CHCHD6: variants seen among roughly 807,000 people sequenced by gnomAD.
CHCHD6 encodes MICOS complex subunit MIC25.
In CHCHD6, 28 loss-of-function variants were observed where a neutral mutation model predicts 32.3. The observed-to-expected ratio is 0.87, with a 90% CI of 0.64 to 1.19. The LOEUF is 1.19. Among genes scored for constraint, CHCHD6 ranks in the 50% most tolerant of loss-of-function variants. CHCHD6 has a pLI of 0.00. For missense variants in CHCHD6, 333 were observed against 307.0 expected, an observed-to-expected ratio of 1.08 and a Z score of -0.63; for synonymous variants, 122 against 117.5, an observed-to-expected ratio of 1.04 and a Z score of -0.25.
chr3:126,853,272 A>AC (rs201444710), intron 5 of CHCHD6, among the ~76,000 whole-genome samples: 8 of 148,106 alleles, frequency 5.4e-5, no homozygotes, highest in Admixed American at 4.7e-4. Context: ...AAAAAAAAAA[A>AC]CCCCTACCAC....
intron 4 of CHCHD6, among the ~76,000 whole-genome samples, chr3:126,768,073 G>C (rs1389089722): frequency 6.6e-6 from 1 of 152,064 alleles, no homozygotes; most frequent in Non-Finnish European, 1.5e-5. Context: ...ATATGGTTTG[G>C]GTCTGTGTCC....
chr3:126,713,690 T>C (rs1267697261), intron 1 of CHCHD6, among the ~76,000 whole-genome samples: 1 of 152,136 alleles, frequency 6.6e-6, no homozygotes, highest in Non-Finnish European at 1.5e-5. Context: ...GGGCCACATC[T>C]TCTTCGTCTC....
intron 4 of CHCHD6, among the ~76,000 whole-genome samples, chr3:126,779,730 G>A (rs1937840667): frequency 6.6e-6 from 1 of 151,986 alleles, no homozygotes; most frequent in Non-Finnish European, 1.5e-5. Flanking sequence ...GAGTTGTCCT[G>A]GCATGCTTGT....
chr3:126,779,735 G>A (rs1165077914), intron 4 of CHCHD6, among the ~76,000 whole-genome samples: 1 of 152,092 alleles, frequency 6.6e-6, no homozygotes, highest in African/African-American at 2.4e-5. Flanking sequence ...GTCCTGGCAT[G>A]CTTGTTGAAA....
At chr3:126,864,395 ACCTCCT>A (rs761302657) in intron 5 of CHCHD6, among the ~76,000 whole-genome samples, 28 of 101,712 alleles carry the variant, frequency 2.8e-4, no homozygotes, top group South Asian at 1.7e-3. Flanking sequence ...CTACACCACC[ACCTCCT>A]CCTCCTCCTC....
chr3:126,829,137 G>A (rs1000540203), intron 4 of CHCHD6, among the ~76,000 whole-genome samples: 2 of 152,102 alleles, frequency 1.3e-5, no homozygotes, highest in Admixed American at 6.5e-5. Flanking sequence ...TCTAATGACC[G>A]TTTTTATTGC....
chr3:126,928,559 G>A (rs1332777948), intron 6 of CHCHD6, among the ~76,000 whole-genome samples: 1 of 152,184 alleles, frequency 6.6e-6, no homozygotes, highest in African/African-American at 2.4e-5. Flanking sequence ...CTAGAGTAAA[G>A]CCCTGTGAGA....
intron 3 of CHCHD6, among the ~76,000 whole-genome samples, chr3:126,731,038 G>A (rs1935775333): frequency 7.0e-6 from 1 of 142,850 alleles, no homozygotes. Flanking sequence ...AGTTCAGGAA[G>A]CTGAGGCTGC....
At chr3:126,899,173 G>C (rs1031751998) in intron 5 of CHCHD6, among the ~76,000 whole-genome samples, 1 of 152,220 alleles carries the variant, frequency 6.6e-6, no homozygotes, top group Admixed American at 6.5e-5. Flanking sequence ...TCTGGGTCAG[G>C]TGGCTAAATG....
chr3:126,956,843 A>G (rs2078792572), intron 6 of CHCHD6, among the ~76,000 whole-genome samples: 1 of 152,098 alleles, frequency 6.6e-6, no homozygotes. Context: ...TAAAAAGAAC[A>G]TTTTTCATTT....
chr3:126,751,524 A>G (rs901964128), intron 4 of CHCHD6, among the ~76,000 whole-genome samples: 3 of 146,520 alleles, frequency 2.0e-5, no homozygotes, highest in Non-Finnish European at 4.5e-5. Flanking sequence ...AAAAAAAAAA[A>G]GCGCCTGCAT....
intron 4 of CHCHD6, among the ~76,000 whole-genome samples, chr3:126,830,555 G>A (rs1362187276): frequency 2.6e-5 from 4 of 152,198 alleles, no homozygotes; most frequent in Non-Finnish European, 5.9e-5. Context: ...CCAGTGTTCT[G>A]TTCACCTTTC....
At position 126,749,717 on chromosome 3, in the gene CHCHD6, C is replaced by T. The variant is rs189285860; in HGVS notation, c.411+16495C>T. ...GTTCCTGACCAGTGCGAAGGGGACACGGGCCATGTGAGTGCATTCCCGTTT... is the reference window on the plus strand; with the variant it reads ...GTTCCTGACCAGTGCGAAGGGGACATGGGCCATGTGAGTGCATTCCCGTTT... On this transcript the variant is annotated intron_variant, in intron 4 of 7. Coordinates refer to ENST00000290913, the MANE Select transcript of CHCHD6 (RefSeq NM_032343.3). 5.9e-5 allele frequency among the ~76,000 whole-genome samples: 9 copies of T among 152,342 alleles called. No individual in the cohort carries two copies. The East Asian group carries it at 7.7e-4, about 13-fold the overall frequency.
intron 4 of CHCHD6, among the ~76,000 whole-genome samples, chr3:126,774,277 A>G (rs897450636): frequency 3.3e-5 from 5 of 152,198 alleles, no homozygotes; most frequent in African/African-American, 9.6e-5. Flanking sequence ...TCAGCTTCCC[A>G]AAAAGTTCTC....
chr3:126,952,558 C>T (rs2078729638), intron 6 of CHCHD6, among the ~76,000 whole-genome samples: 1 of 152,082 alleles, frequency 6.6e-6, no homozygotes, highest in Admixed American at 6.5e-5. Flanking sequence ...GAGGGCCAGG[C>T]AGGTGCCGTC....
intron 4 of CHCHD6, among the ~76,000 whole-genome samples, chr3:126,784,236 C>G (rs1938090562): frequency 6.6e-6 from 1 of 152,200 alleles, no homozygotes; most frequent in South Asian, 2.1e-4. Context: ...CTATCAAGAT[C>G]TTGAACAACA....
chr3:126,958,935 G>A (rs369751454), intron 7 of CHCHD6, among the ~76,000 whole-genome samples: 72 of 152,316 alleles, frequency 4.7e-4, no homozygotes, highest in African/African-American at 1.4e-3. Flanking sequence ...GGGCAGCTCC[G>A]AGTCTCTGTT....
At chr3:126,806,198 A>G (rs1364091388) in intron 4 of CHCHD6, among the ~76,000 whole-genome samples, 1 of 152,044 alleles carries the variant, frequency 6.6e-6, no homozygotes, top group Non-Finnish European at 1.5e-5. Context: ...AAAATTGACA[A>G]ATGGGATCTA....
chr3:126,859,300 C>T (rs1199918972), intron 5 of CHCHD6, among the ~76,000 whole-genome samples: 1 of 152,018 alleles, frequency 6.6e-6, no homozygotes, highest in Admixed American at 6.5e-5. Flanking sequence ...GAAACTGGGG[C>T]TTCTGGCTGG....
Sources: gnomAD v4.1 joint callset for allele counts (sites outside exome capture counted in the v4.1 genomes callset) on GRCh38, gnomAD v4.1.1 for gene constraint, MANE v1.5 for transcripts, NCBI Gene and HGNC (gene_info 2026-07-23, HGNC 2026-07-21) for gene names.